The following RICTOR variants were observed in gnomAD, a reference collection of about 807,000 sequenced individuals.
The protein encoded by RICTOR is rapamycin-insensitive companion of mTOR.
Under a neutral mutation model 214.9 loss-of-function variants are expected in RICTOR, and 49 were observed. That is an observed-to-expected ratio of 0.23 (90% CI 0.18 to 0.29). RICTOR has a LOEUF of 0.29. RICTOR is among the 10% of genes least tolerant of loss of function. The pLI, the probability that RICTOR is intolerant of heterozygous loss-of-function variation, is 1.00. For missense variants in RICTOR, 1,625 were observed against 2,047.0 expected (o/e 0.79, Z 3.98); for synonymous variants, 717 against 711.3 (o/e 1.01, Z -0.13).
chr5:39,010,158 A>G (rs1462387107), intron 3 of RICTOR, among the ~76,000 whole-genome samples: 1 of 152,090 alleles, frequency 6.6e-6, no homozygotes, highest in African/African-American at 2.4e-5. Context: ...GAACACACCC[A>G]ATCTCGTCTG....
intron 2 of RICTOR, among the ~76,000 whole-genome samples, chr5:39,046,422 C>G (rs114384438): frequency 0.019 from 2,739 of 142,036 alleles, 99 homozygotes; most frequent in African/African-American, 0.068. Flanking sequence ...CCATTGTTTT[C>G]TATCTTTGAA....
chr5:39,073,795 G>A (rs1021439051), intron 2 of RICTOR, among the ~76,000 whole-genome samples: 1 of 152,276 alleles, frequency 6.6e-6, no homozygotes, highest in Admixed American at 6.5e-5. Context: ...TCCGGGATAG[G>A]TGCAAACCAC....
chr5:39,008,214 A>C (rs1323435856), intron 3 of RICTOR, among the ~76,000 whole-genome samples: 3 of 152,120 alleles, frequency 2.0e-5, no homozygotes, highest in African/African-American at 4.8e-5. Context: ...CAAAATTTTA[A>C]CACCAAAAAT....
intron 2 of RICTOR, among the ~76,000 whole-genome samples, chr5:39,024,750 C>T (rs1489748654): frequency 2.0e-5 from 3 of 152,176 alleles, no homozygotes; most frequent in Non-Finnish European, 4.4e-5. Flanking sequence ...GATGATTAGT[C>T]TGAAAAGATA....
At chr5:38,973,242 A>G (rs1455560551) in intron 10 of RICTOR, among the ~76,000 whole-genome samples, 1 of 152,192 alleles carries the variant, frequency 6.6e-6, no homozygotes, top group Non-Finnish European at 1.5e-5. Context: ...TGATGTGTGC[A>G]TTTCACTGTA....
chr5:39,074,262 AG>A, intron 1 of RICTOR, 66 bp downstream of exon 1: 1 of 1,568,074 alleles, frequency 6.4e-7, no homozygotes. Flanking sequence ...ACCCAGGGCC[AG>A]GGGAAGGCAA....
At chr5:39,043,967 C>G (rs1757330113) in intron 2 of RICTOR, among the ~76,000 whole-genome samples, 1 of 152,122 alleles carries the variant, frequency 6.6e-6, no homozygotes, top group Admixed American at 6.5e-5. Context: ...AACTGAATTC[C>G]TTTTCTTATA....
chr5:39,012,754 C>T (rs995443786), intron 3 of RICTOR, among the ~76,000 whole-genome samples: 1 of 151,998 alleles, frequency 6.6e-6, no homozygotes, highest in African/African-American at 2.4e-5. Flanking sequence ...TAAGAATTAG[C>T]GTTTACAGTC....
chr5:38,976,924 T>C (rs1751279743), intron 9 of RICTOR, among the ~76,000 whole-genome samples: 1 of 152,184 alleles, frequency 6.6e-6, no homozygotes. Context: ...CCTGTGAACA[T>C]GGTGAGGTAT....
intron 35 of RICTOR, 46 bp downstream of exon 35, chr5:38,944,858 CAACTAATCA>C (rs1291987375): frequency 6.6e-7 from 1 of 1,521,194 alleles, no homozygotes. Flanking sequence ...AAAACAAAAC[CAACTAATCA>C]GAACAGTTTT....
intron 16 of RICTOR, 145 bp from the exon 17 acceptor site, chr5:38,963,186 C>A: frequency 5.3e-6 from 3 of 566,142 alleles, no homozygotes; most frequent in Non-Finnish European, 8.9e-6. Flanking sequence ...TTTGGAGAGA[C>A]AAATACAAAA....
In RICTOR at chr5:38,940,675, A is replaced by C. The variant is rs1399028421; in HGVS notation, c.*1629T>G. 2 of 232,840 alleles carry C rather than the reference A, an allele frequency of 8.6e-6. No homozygotes were observed. Among genetic ancestry groups the C allele is most frequent in the African/African-American group, 4.4e-5 (2 of 45,338 alleles). 14.4% of individuals were successfully genotyped at this position (232,840 alleles called of 1,614,324 possible). On this transcript the variant is annotated 3_prime_UTR_variant, in exon 38 of 38. Transcript: ENST00000357387. ...TAATGTAAGTTGCTACACAGTGCAC[A>C]TAAGAACAATTCACTGAAGTGCAGT...
intron 2 of RICTOR, among the ~76,000 whole-genome samples, chr5:39,071,237 C>T (rs1759296447): frequency 6.6e-6 from 1 of 152,166 alleles, no homozygotes; most frequent in African/African-American, 2.4e-5. Context: ...TAACATACTG[C>T]ACTTCGCTTA....
At chr5:39,054,936 C>T (rs1368354710) in intron 2 of RICTOR, among the ~76,000 whole-genome samples, 2 of 152,108 alleles carry the variant, frequency 1.3e-5, no homozygotes, top group Non-Finnish European at 2.9e-5. Flanking sequence ...TTTGCTATCT[C>T]GTCTTGAAAA....
At chr5:38,959,655 G>A in intron 21 of RICTOR, 124 bp downstream of exon 21, 1 of 644,520 alleles carries the variant, frequency 1.6e-6, no homozygotes, top group Non-Finnish European at 2.7e-6. Flanking sequence ...TTAAAGCAAA[G>A]ATAATGCTAA....
intron 3 of RICTOR, among the ~76,000 whole-genome samples, chr5:39,005,631 G>T (rs76745105): frequency 0.019 from 2,856 of 152,130 alleles, 103 homozygotes; most frequent in African/African-American, 0.065. Context: ...ATCATCTCTG[G>T]ATCTGTTATT....
chr5:38,998,374 CAG>C (rs1179092694), intron 5 of RICTOR, among the ~76,000 whole-genome samples: 1 of 152,062 alleles, frequency 6.6e-6, no homozygotes, highest in Non-Finnish European at 1.5e-5. Context: ...TTAATAGAGA[CAG>C]AGGTTTCGCC....
At chr5:39,053,588 C>T (rs1360566499) in intron 2 of RICTOR, among the ~76,000 whole-genome samples, 1 of 152,136 alleles carries the variant, frequency 6.6e-6, no homozygotes, top group Admixed American at 6.6e-5. Context: ...ATTAAATCCG[C>T]AGAATTAGAA....
At chr5:38,989,102 A>C (rs1752392507) in intron 7 of RICTOR, among the ~76,000 whole-genome samples, 1 of 152,190 alleles carries the variant, frequency 6.6e-6, no homozygotes. Context: ...ATGCTACCTG[A>C]CCTCAAACTA....
Sources: gnomAD v4.1 joint callset for allele counts (sites outside exome capture counted in the v4.1 genomes callset) on GRCh38, gnomAD v4.1.1 for gene constraint, MANE v1.5 for transcripts, NCBI Gene and HGNC (gene_info 2026-07-23, HGNC 2026-07-21) for gene names.